MCF2: variants seen among roughly 807,000 people sequenced by gnomAD.
MCF2 encodes proto-oncogene DBL.
In MCF2, 44 loss-of-function variants were observed where a neutral mutation model predicts 82.5. The observed-to-expected ratio is 0.53, with a 90% CI of 0.42 to 0.69. The LOEUF (loss-of-function observed/expected upper bound fraction) is 0.69, where lower values mean the gene tolerates loss of function less well. MCF2 is among the 30% of genes least tolerant of loss of function. MCF2 has a pLI of 0.00. For synonymous variants in MCF2, 217 were observed against 224.9 expected (o/e 0.96, Z 0.32); for missense variants, 623 against 663.1 (o/e 0.94, Z 0.66).
chrX:139,625,973 T>C (rs1451914570), intron 6 of MCF2, among the ~76,000 whole-genome samples: 1 of 111,777 alleles, frequency 8.9e-6, no homozygotes, highest in African/African-American at 3.3e-5. Context: ...TATTGGCAGT[T>C]TGATACTTTC....
Position 139,625,929 on chromosome X carries a change from C to T in MCF2, c.687+264G>A, listed in dbSNP as rs17002179. Reference sequence around the variant, plus strand: ...CTAAGATAAATTTGAATAACAAACCCCAAAGTAGAGAGTAACTTTGTCCCT... The same window carrying T: ...CTAAGATAAATTTGAATAACAAACCTCAAAGTAGAGAGTAACTTTGTCCCT... On this transcript the variant is annotated intron_variant, in intron 6 of 24. Coordinates refer to ENST00000370576, the Ensembl canonical transcript of MCF2. Among the ~76,000 whole-genome samples, 1,348 of 111,265 alleles carry T rather than the reference C, an allele frequency of 0.012. 20 individuals are homozygous for T. Among genetic ancestry groups the T allele is most frequent in the African/African-American group, 0.041 (1,265 of 30,615 alleles).
intron 1 of MCF2, among the ~76,000 whole-genome samples, chrX:139,674,784 T>C (rs948196635): frequency 6.3e-5 from 7 of 111,884 alleles, no homozygotes; most frequent in Admixed American, 1.9e-4. Flanking sequence ...CCTTGGTGAA[T>C]CTGACAACTA....
At chrX:139,692,215 T>A in intron 1 of MCF2, 2 of 736,554 alleles carry the variant, frequency 2.7e-6, no homozygotes, top group Non-Finnish European at 3.9e-6. Context: ...GGGCCGCTAC[T>A]CCAGCCAGCA....
chrX:139,622,474 C>T (rs985317487), intron 6 of MCF2, among the ~76,000 whole-genome samples: 20 of 111,594 alleles, frequency 1.8e-4, no homozygotes, highest in African/African-American at 6.2e-4. Flanking sequence ...AGACTTGGAA[C>T]CAAGCCAAAT....
At chrX:139,637,074 T>G (rs774186669) in intron 1 of MCF2, among the ~76,000 whole-genome samples, 1 of 112,097 alleles carries the variant, frequency 8.9e-6, no homozygotes, top group African/African-American at 3.2e-5. Context: ...AAAACTTCAT[T>G]TATTGACTAC....
chrX:139,663,923 C>T (rs1303233369), intron 1 of MCF2, among the ~76,000 whole-genome samples: 1 of 110,682 alleles, frequency 9.0e-6, no homozygotes, highest in Non-Finnish European at 1.9e-5. Flanking sequence ...TAATGACCTC[C>T]TTTCTCTTTC....
At chrX:139,607,889 T>C (rs1931174835) in intron 11 of MCF2, 110 bp from the exon 16 acceptor site, 3 of 477,198 alleles carry the variant, frequency 6.3e-6, no homozygotes, top group East Asian at 4.0e-5. Context: ...TGAAGATAAA[T>C]TGAAAAATAA....
chrX:139,619,775 A>G, intron 6 of MCF2, 69 bp from the exon 10 acceptor site: 3 of 840,339 alleles, frequency 3.6e-6, no homozygotes, highest in Non-Finnish European at 4.9e-6. Flanking sequence ...TTTTATACAA[A>G]ATGCTTTTAA....
intron 7 of MCF2, 102 bp from the exon 11 acceptor site, chrX:139,617,806 A>G: frequency 2.4e-6 from 1 of 424,911 alleles, no homozygotes; most frequent in Non-Finnish European, 3.7e-6. Context: ...AGCAAGAAGG[A>G]TACATTGCCA....
intron 1 of MCF2, among the ~76,000 whole-genome samples, chrX:139,668,104 G>A (rs1261749956): frequency 9.0e-6 from 1 of 111,727 alleles, no homozygotes; most frequent in Non-Finnish European, 1.9e-5. Context: ...AGCACCGGCA[G>A]CTGCAACCCA....
chrX:139,669,358 T>C (rs1044391404), intron 1 of MCF2, among the ~76,000 whole-genome samples: 1 of 112,196 alleles, frequency 8.9e-6, no homozygotes, highest in Admixed American at 9.5e-5. Context: ...AGAGGATGTC[T>C]GTAACAAAAA....
intron 1 of MCF2, among the ~76,000 whole-genome samples, chrX:139,680,150 G>T (rs1249245625): frequency 9.0e-6 from 1 of 110,733 alleles, no homozygotes; most frequent in Non-Finnish European, 1.9e-5. Flanking sequence ...TAGAGACAGG[G>T]TCTCACTCTG....
At chrX:139,598,148 T>C (rs778579032) in intron 17 of MCF2, among the ~76,000 whole-genome samples, 8 of 111,908 alleles carry the variant, frequency 7.1e-5, no homozygotes, top group African/African-American at 2.3e-4. Flanking sequence ...CAGTAAAACA[T>C]TGTGCGGAAA....
chrX:139,588,072 CAG>C (rs1437798127), intron 21 of MCF2, among the ~76,000 whole-genome samples: 1 of 111,455 alleles, frequency 9.0e-6, no homozygotes, highest in Non-Finnish European at 1.9e-5. Context: ...AGATATTAAG[CAG>C]AGTCACCTCA....
chrX:139,659,589 T>C (rs1934301191), intron 1 of MCF2, among the ~76,000 whole-genome samples: 1 of 111,872 alleles, frequency 8.9e-6, no homozygotes, highest in East Asian at 2.8e-4. Flanking sequence ...GGGGTTTCTA[T>C]TCATATACAA....
At chrX:139,604,811 A>G (rs2148433339) in intron 14 of MCF2, 58 bp downstream of exon 18, 1 of 1,066,086 alleles carries the variant, frequency 9.4e-7, no homozygotes, top group Non-Finnish European at 1.3e-6. Flanking sequence ...TAAACTGGTA[A>G]AGAGAGCACT....
chrX:139,587,847 G>A (rs922008634), intron 21 of MCF2, 59 bp from the exon 26 acceptor site: 2 of 689,882 alleles, frequency 2.9e-6, no homozygotes, highest in East Asian at 6.5e-5. Flanking sequence ...CTTCCTTGAA[G>A]GCCAATGACT....
intron 7 of MCF2, among the ~76,000 whole-genome samples, chrX:139,619,064 T>A (rs1214574451): frequency 9.0e-6 from 1 of 111,324 alleles, no homozygotes; most frequent in Non-Finnish European, 1.9e-5. Context: ...ACTGCATATA[T>A]CCTAAAGTGG....
intron 12 of MCF2, 116 bp downstream of exon 16, chrX:139,607,575 A>T: frequency 2.4e-6 from 1 of 422,470 alleles, no homozygotes; most frequent in Non-Finnish European, 3.9e-6. Flanking sequence ...GACTTCTGAC[A>T]CCCAGTAAAA....
Sources: allele counts gnomAD v4.1 joint callset (sites outside exome capture counted in the v4.1 genomes callset), GRCh38; gene constraint gnomAD v4.1.1; transcripts MANE v1.5; gene names NCBI Gene and HGNC (gene_info 2026-07-23, HGNC 2026-07-21).